The following R3HDM1 variants were observed in gnomAD, a reference collection of about 807,000 sequenced individuals.
The protein encoded by R3HDM1 is R3H domain containing 1.
In R3HDM1, 46 loss-of-function variants were observed where a neutral mutation model predicts 141.1. That is an observed-to-expected ratio of 0.33 (90% CI 0.26 to 0.42). The LOEUF (loss-of-function observed/expected upper bound fraction) is 0.42, where lower values mean the gene tolerates loss of function less well. R3HDM1 is among the 10% of genes least tolerant of loss of function. The pLI, the probability that R3HDM1 is intolerant of heterozygous loss-of-function variation, is 1.00. For missense variants in R3HDM1, 1,184 were observed against 1,368.3 expected (o/e 0.87, Z 2.12); for synonymous variants, 435 against 472.9 (o/e 0.92, Z 1.04).
intron 1 of R3HDM1, chr2:135,581,260 G>A: frequency 2.0e-6 from 2 of 985,410 alleles, no homozygotes; most frequent in Non-Finnish European, 2.4e-6. Context: ...ATCCTTGAGA[G>A]CATTGTCTGT....
In R3HDM1 at chr2:135,722,566, G is replaced by A; in HGVS notation, c.3049+13G>A. ...GCAGGAGAAACAGGTATGTCTCTGA[G>A]GGGCAACTAGATGTGGGTCTGCAAA... On this transcript the variant is annotated intron_variant, in intron 26 of 26. Transcript: ENST00000683871. 1.2e-6 allele frequency: 2 copies of A among 1,608,990 alleles called. No homozygotes were observed. Among genetic ancestry groups the A allele is most frequent in the Non-Finnish European group, 1.7e-6 (2 of 1,177,822 alleles).
intron 18 of R3HDM1, among the ~76,000 whole-genome samples, chr2:135,657,628 A>C (rs971699253): frequency 8.5e-5 from 13 of 152,104 alleles, no homozygotes; most frequent in African/African-American, 2.9e-4. Flanking sequence ...AGATGAGATG[A>C]GCACTCTTTA....
intron 24 of R3HDM1, among the ~76,000 whole-genome samples, chr2:135,716,513 C>T (rs1161906537): frequency 6.6e-6 from 1 of 152,012 alleles, no homozygotes. Flanking sequence ...AAGGATAATG[C>T]ACACAAAGAT....
Position 135,638,789 on chromosome 2 carries a change from G to A in R3HDM1, c.992G>A (p.Arg331Lys), listed in dbSNP as rs2063508094. 6.2e-7 allele frequency: 1 copy of A among 1,613,904 alleles called. No individual in the cohort carries two copies. The highest frequency in any genetic ancestry group is 1.1e-5 in the South Asian group (1 of 91,070). Residue 331 changes from arginine (R) to lysine (K), a missense_variant and splice_region_variant, in exon 13 of 27, where the codon AGA (arginine) becomes AAA (lysine). This residue lies in a region of R3HDM1 where 240 missense variants were observed against 312.3 expected (regional missense o/e 0.77). Transcript: ENST00000683871. ...SSTQQRRQIFRVNKDASGRST... is the reference protein window; with the variant it reads ...SSTQQRRQIFKVNKDASGRST... Reference sequence around the variant, plus strand: ...ACCCAGCAGAGGCGCCAGATATTTAGGTATTGGAAGCATGTTTTCAATACA... The same window carrying A: ...ACCCAGCAGAGGCGCCAGATATTTAAGTATTGGAAGCATGTTTTCAATACA...
rs2076992437 is a variant in R3HDM1, at chr2:135,724,350, G to T, written c.*58G>T. 2 of 1,317,506 alleles carry T rather than the reference G, an allele frequency of 1.5e-6. No individual in the cohort carries two copies. Among genetic ancestry groups the T allele is most frequent in the African/African-American group, 1.5e-5 (1 of 68,030 alleles). The allele number at this position is 1,317,506 out of a possible 1,614,324, so 81.6% of individuals were successfully genotyped here. A position where few individuals can be genotyped will look rare whatever the true frequency, so the allele number is the denominator to read the frequency against. ...CCCCTGCCCTCTCCCATCTTTGATTGGCTTGGTATTTGGAGCTTCTGTTAA... is the reference window on the plus strand; with the variant it reads ...CCCCTGCCCTCTCCCATCTTTGATTTGCTTGGTATTTGGAGCTTCTGTTAA... On this transcript the variant is annotated 3_prime_UTR_variant, in exon 27 of 27. Transcript: ENST00000683871.
chr2:135,662,504 G>A (rs1273674135), intron 19 of R3HDM1, among the ~76,000 whole-genome samples: 4 of 152,116 alleles, frequency 2.6e-5, no homozygotes, highest in Admixed American at 6.5e-5. Context: ...GAGTTGTCTC[G>A]TTGTTAGTTT....
intron 11 of R3HDM1, 113 bp from the exon 12 acceptor site, chr2:135,638,505 C>T (rs889089968): frequency 1.8e-6 from 2 of 1,102,644 alleles, no homozygotes; most frequent in East Asian, 2.5e-5. Context: ...ACCCTTATCA[C>T]CATTTTTAAC....
intron 1 of R3HDM1, among the ~76,000 whole-genome samples, chr2:135,587,802 C>A (rs1197128694): frequency 6.6e-6 from 1 of 151,726 alleles, no homozygotes; most frequent in Admixed American, 6.6e-5. Context: ...TTTGTCTGTG[C>A]GTCTCTATCT....
intron 1 of R3HDM1, among the ~76,000 whole-genome samples, chr2:135,534,609 C>T (rs1233802404): frequency 2.6e-5 from 4 of 152,144 alleles, no homozygotes; most frequent in Admixed American, 2.6e-4. Context: ...CAGGAATGTC[C>T]AGTCAGGGTT....
intron 21 of R3HDM1, among the ~76,000 whole-genome samples, chr2:135,699,045 A>AGATAGATTGATTGATAGATT (rs202144929): frequency 7.7e-6 from 1 of 129,826 alleles, no homozygotes; most frequent in African/African-American, 3.3e-5. Flanking sequence ...ATAGATAGAT[A>AGATAGATTGATTGATAGATT]AGATAGATAA....
chr2:135,637,856 A>G (rs942804946), intron 11 of R3HDM1, among the ~76,000 whole-genome samples: 9 of 152,164 alleles, frequency 5.9e-5, no homozygotes, highest in African/African-American at 1.7e-4. Flanking sequence ...AGGTCAGATA[A>G]TAGCTGTTTT....
intron 1 of R3HDM1, among the ~76,000 whole-genome samples, chr2:135,538,560 T>C (rs1261014364): frequency 6.6e-6 from 1 of 152,212 alleles, no homozygotes; most frequent in Non-Finnish European, 1.5e-5. Context: ...TACAAAAATA[T>C]TTTTTCTTTA....
At chr2:135,552,757 G>C (rs1194828606) in intron 1 of R3HDM1, among the ~76,000 whole-genome samples, 1 of 152,172 alleles carries the variant, frequency 6.6e-6, no homozygotes, top group East Asian at 1.9e-4. Context: ...GTAATGACTT[G>C]AAAAAGTAGA....
At chr2:135,655,486 T>C (rs1574753424) in intron 18 of R3HDM1, among the ~76,000 whole-genome samples, 1 of 151,650 alleles carries the variant, frequency 6.6e-6, no homozygotes, top group African/African-American at 2.4e-5. Context: ...TTTTCTTTTT[T>C]TTGTTTTTGT....
At chr2:135,678,155 G>A (rs973838493) in intron 20 of R3HDM1, among the ~76,000 whole-genome samples, 2 of 151,902 alleles carry the variant, frequency 1.3e-5, no homozygotes, top group African/African-American at 4.8e-5. Context: ...AGTAGAGACG[G>A]TGTTTCACCA....
chr2:135,707,314 T>A (rs926131534), intron 21 of R3HDM1, among the ~76,000 whole-genome samples: 2 of 152,218 alleles, frequency 1.3e-5, no homozygotes, highest in Non-Finnish European at 2.9e-5. Context: ...TACTGACTTC[T>A]GTGCTTTCTT....
At chr2:135,598,783 G>C (rs1449473678) in intron 1 of R3HDM1, among the ~76,000 whole-genome samples, 1 of 152,098 alleles carries the variant, frequency 6.6e-6, no homozygotes, top group Non-Finnish European at 1.5e-5. Flanking sequence ...TGGTTTTGAT[G>C]GTAGTTGTTT....
intron 23 of R3HDM1, among the ~76,000 whole-genome samples, chr2:135,714,407 G>A (rs1271782410): frequency 6.6e-6 from 1 of 152,186 alleles, no homozygotes; most frequent in Non-Finnish European, 1.5e-5. Flanking sequence ...TCAAAGTCAT[G>A]AAAGAAAGAA....
chr2:135,715,923 A>G (rs2076113978), intron 24 of R3HDM1, among the ~76,000 whole-genome samples: 1 of 152,236 alleles, frequency 6.6e-6, no homozygotes, highest in East Asian at 1.9e-4. Context: ...TTACATGATC[A>G]CATTAAAATC....
Sources: allele counts gnomAD v4.1 joint callset (sites outside exome capture counted in the v4.1 genomes callset), GRCh38; gene constraint gnomAD v4.1.1; regional missense constraint gnomAD v4.1.1; transcripts MANE v1.5; gene names NCBI Gene and HGNC (gene_info 2026-07-23, HGNC 2026-07-21).